The following FAM120A variants were observed in gnomAD, a reference collection of about 807,000 sequenced individuals.
FAM120A encodes constitutive coactivator of PPAR-gamma-like protein 1.
In FAM120A, 15 loss-of-function variants were observed where a neutral mutation model predicts 109.7. The ratio of observed to expected loss-of-function variants is 0.14; its 90% CI spans 0.09 to 0.21. The LOEUF is 0.21. Ranked by LOEUF, FAM120A falls within the 10% of genes least tolerant of loss-of-function variation. FAM120A has a pLI of 1.00. For missense variants in FAM120A, 899 were observed against 1,439.3 expected (o/e 0.62, Z 6.07); for synonymous variants, 493 against 572.8 (o/e 0.86, Z 1.99).
intron 16 of FAM120A, 38 bp from the exon 17 acceptor site, chr9:93,562,170 A>AT: frequency 6.8e-7 from 1 of 1,479,316 alleles, no homozygotes. Flanking sequence ...TCTGTAACAG[A>AT]TTTAAGTGTT....
intron 12 of FAM120A, among the ~76,000 whole-genome samples, chr9:93,552,526 T>G (rs561275964): frequency 5.3e-5 from 8 of 152,264 alleles, no homozygotes; most frequent in Admixed American, 6.5e-5. Flanking sequence ...CTGAGAAAGC[T>G]ATAAGGAAAA....
intron 9 of FAM120A, chr9:93,529,861 G>A (rs1588886798): frequency 1.9e-6 from 1 of 539,662 alleles, no homozygotes; most frequent in Non-Finnish European, 3.3e-6. Flanking sequence ...TTTATGACTT[G>A]TAATTTTATT....
intron 11 of FAM120A, among the ~76,000 whole-genome samples, chr9:93,547,554 C>T (rs1221913366): frequency 6.6e-6 from 1 of 152,280 alleles, no homozygotes; most frequent in Non-Finnish European, 1.5e-5. Flanking sequence ...TTATAATGCC[C>T]CCACCCTTCT....
chr9:93,487,023 C>A (rs1859090749), intron 3 of FAM120A, among the ~76,000 whole-genome samples: 1 of 152,072 alleles, frequency 6.6e-6, no homozygotes, highest in East Asian at 1.9e-4. Context: ...ATTTGCATTT[C>A]TTTGATGACT....
chr9:93,511,826 T>C (rs1423394880), intron 5 of FAM120A, among the ~76,000 whole-genome samples: 1 of 152,262 alleles, frequency 6.6e-6, no homozygotes, highest in Non-Finnish European at 1.5e-5. Context: ...GGAGTCTCAT[T>C]CTGTCACCCA....
intron 1 of FAM120A, among the ~76,000 whole-genome samples, chr9:93,467,258 C>A (rs12156601): frequency 2.0e-5 from 1 of 49,120 alleles, no homozygotes; most frequent in African/African-American, 5.5e-5. Flanking sequence ...CCCCCCCCCC[C>A]TTTTCCCCCA....
intron 7 of FAM120A, among the ~76,000 whole-genome samples, chr9:93,526,486 C>A (rs972700059): frequency 2.0e-5 from 3 of 151,876 alleles, no homozygotes; most frequent in African/African-American, 7.3e-5. Flanking sequence ...GCTCTTTGAT[C>A]TTCTCATCTC....
intron 5 of FAM120A, among the ~76,000 whole-genome samples, chr9:93,511,447 G>A (rs545840362): frequency 3.3e-5 from 5 of 152,202 alleles, no homozygotes; most frequent in South Asian, 2.1e-4. Context: ...CAGCCTGACC[G>A]GCTCTGTGGG....
At chr9:93,507,875 G>C (rs1450706710) in intron 5 of FAM120A, among the ~76,000 whole-genome samples, 1 of 152,096 alleles carries the variant, frequency 6.6e-6, no homozygotes, top group African/African-American at 2.4e-5. Context: ...ATAGAAATTC[G>C]TAGAAGAGGA....
intron 2 of FAM120A, among the ~76,000 whole-genome samples, 162 bp downstream of exon 2, chr9:93,471,549 T>C (rs2043555581): frequency 6.6e-6 from 1 of 152,234 alleles, no homozygotes; most frequent in Non-Finnish European, 1.5e-5. Context: ...CGTATTATTT[T>C]TTGGCATAGC....
At position 93,561,096 on chromosome 9, in the gene FAM120A, A is replaced by AT. The variant is rs768295523; in HGVS notation, c.2807-7dup. On this transcript the variant is annotated splice_polypyrimidine_tract_variant and intron_variant, in intron 15 of 17. Transcript: ENST00000277165. ...TTGTAAAGATTTTGTCTTTTTGTAT[A>AT]TTTTTTATGCAGGAGTCCAACCTAT... 3.7e-6 allele frequency: 6 copies of AT among 1,611,908 alleles called. No homozygotes were observed. In the African/African-American group the frequency reaches 6.7e-5, roughly 18 times the overall value.
At chr9:93,482,639 G>A (rs1374347542) in intron 3 of FAM120A, among the ~76,000 whole-genome samples, 2 of 152,154 alleles carry the variant, frequency 1.3e-5, no homozygotes, top group Non-Finnish European at 2.9e-5. Flanking sequence ...GAGGAGGGTA[G>A]CATCAGGATC....
chr9:93,527,299 T>A, intron 8 of FAM120A, 57 bp downstream of exon 8: 1 of 1,203,406 alleles, frequency 8.3e-7, no homozygotes, highest in Non-Finnish European at 1.2e-6. Flanking sequence ...ATTAGCACAC[T>A]GTATTAGTGA....
At chr9:93,538,638 G>T (rs1034351911) in intron 10 of FAM120A, among the ~76,000 whole-genome samples, 5 of 152,178 alleles carry the variant, frequency 3.3e-5, no homozygotes, top group Admixed American at 3.3e-4. Flanking sequence ...CGCCCTTAGT[G>T]GGCATTGCTA....
intron 3 of FAM120A, among the ~76,000 whole-genome samples, chr9:93,489,877 G>A (rs1859237255): frequency 6.6e-6 from 1 of 152,168 alleles, no homozygotes; most frequent in South Asian, 2.1e-4. Flanking sequence ...TTGGTCAAAA[G>A]CAGAGACTGC....
At chr9:93,561,347 C>A in intron 16 of FAM120A, 97 bp downstream of exon 16, 1 of 1,033,490 alleles carries the variant, frequency 9.7e-7, no homozygotes, top group South Asian at 1.6e-5. Flanking sequence ...ATTTTTATAT[C>A]ATTAGATACA....
At chr9:93,504,008 C>A (rs943257827) in intron 5 of FAM120A, among the ~76,000 whole-genome samples, 1 of 152,084 alleles carries the variant, frequency 6.6e-6, no homozygotes, top group African/African-American at 2.4e-5. Context: ...GGAAAGAGAA[C>A]AGGAACCTCA....
chr9:93,554,502 G>A (rs1036809174), intron 12 of FAM120A, among the ~76,000 whole-genome samples: 26 of 152,178 alleles, frequency 1.7e-4, no homozygotes, highest in African/African-American at 6.0e-4. Flanking sequence ...GTGAAAACCT[G>A]ACTCTACTAA....
At chr9:93,453,148 G>T in intron 1 of FAM120A, 2 of 1,003,102 alleles carry the variant, frequency 2.0e-6, no homozygotes, top group Non-Finnish European at 2.4e-6. Context: ...GAAAGGAGTC[G>T]CTCAAAATCA....
Sources: gnomAD v4.1 joint callset for allele counts (sites outside exome capture counted in the v4.1 genomes callset) on GRCh38, gnomAD v4.1.1 for gene constraint, MANE v1.5 for transcripts, NCBI Gene and HGNC (gene_info 2026-07-23, HGNC 2026-07-21) for gene names.